Variants in SLC30A8 observed in about 807,000 individuals in gnomAD.
SLC30A8 encodes proton-coupled zinc antiporter SLC30A8.
Under a neutral mutation model 36.9 loss-of-function variants are expected in SLC30A8, and 27 were observed. That is an observed-to-expected ratio of 0.73 (90% confidence interval 0.54 to 1.01). SLC30A8 has a LOEUF of 1.01. Ranked by LOEUF, SLC30A8 falls within the 50% of genes least tolerant of loss-of-function variation. The probability of loss-of-function intolerance (pLI) is 0.00; values close to 1 mark genes in which losing one functional copy is unlikely to be tolerated. For missense variants in SLC30A8, 439 were observed against 452.0 expected, an observed-to-expected ratio of 0.97 and a Z score of 0.26; for synonymous variants, 164 against 172.4, an observed-to-expected ratio of 0.95 and a Z score of 0.38.
At chr8:117,039,945 C>T (rs371099229) in intron 2 of SLC30A8, among the ~76,000 whole-genome samples, 2 of 152,142 alleles carry the variant, frequency 1.3e-5, no homozygotes, top group African/African-American at 4.8e-5. Flanking sequence ...CCGAGCTTTC[C>T]CCTCAAGGAG....
At chr8:116,996,492 T>G (rs1043883364) in intron 1 of SLC30A8, among the ~76,000 whole-genome samples, 1 of 152,228 alleles carries the variant, frequency 6.6e-6, no homozygotes, top group Non-Finnish European at 1.5e-5. Flanking sequence ...TATTTTTTTG[T>G]GGTGAGGGTA....
At chr8:116,997,662 C>T (rs1007049818) in intron 1 of SLC30A8, among the ~76,000 whole-genome samples, 4 of 151,958 alleles carry the variant, frequency 2.6e-5, no homozygotes, top group African/African-American at 9.7e-5. Context: ...GCAAAACACC[C>T]CAGACAGTGT....
rs541885243 is a variant in SLC30A8, at chr8:117,146,877, A to G, written c.72-77A>G. The G allele has an allele frequency of 5.0e-5, 80 of 1,590,906 alleles. 1 individual carries two copies. Among genetic ancestry groups the G allele is most frequent in the Non-Finnish European group, 5.7e-5 (66 of 1,167,062 alleles). On this transcript the variant is annotated intron_variant, in intron 1 of 7. Transcript: ENST00000456015. ...AGCAAATGTCCTAATAGCGGTTCCA[A>G]GTATGGGCAGGGTGGGTCAGTGAGT...
At chr8:117,119,234 A>T (rs1041459439) in intron 2 of SLC30A8, among the ~76,000 whole-genome samples, 2 of 151,930 alleles carry the variant, frequency 1.3e-5, no homozygotes, top group Admixed American at 6.6e-5. Flanking sequence ...ATGTTCCCAA[A>T]GCAACTCCCA....
chr8:117,026,439 G>C (rs994503197), intron 1 of SLC30A8, among the ~76,000 whole-genome samples: 6 of 152,116 alleles, frequency 3.9e-5, no homozygotes, highest in Non-Finnish European at 7.3e-5. Flanking sequence ...AGTATGCCTG[G>C]AAGAAATTCT....
intron 1 of SLC30A8, among the ~76,000 whole-genome samples, chr8:116,965,332 A>T (rs760897644): frequency 3.0e-4 from 45 of 152,250 alleles, no homozygotes; most frequent in Non-Finnish European, 1.6e-4. Flanking sequence ...AGGATAGTTG[A>T]TTCTAAAGCC....
intron 3 of SLC30A8, among the ~76,000 whole-genome samples, chr8:117,153,894 G>A (rs1172264017): frequency 6.6e-6 from 1 of 152,144 alleles, no homozygotes; most frequent in Non-Finnish European, 1.5e-5. Context: ...ATAGACAAAT[G>A]AATCCACTCT....
At chr8:117,098,192 C>T (rs1301117013) in intron 2 of SLC30A8, among the ~76,000 whole-genome samples, 2 of 150,304 alleles carry the variant, frequency 1.3e-5, no homozygotes, top group Non-Finnish European at 2.9e-5. Flanking sequence ...CAAGACCTCC[C>T]TGAGAAAGCA....
At chr8:117,038,043 A>G (rs984416238) in intron 1 of SLC30A8, among the ~76,000 whole-genome samples, 1 of 152,170 alleles carries the variant, frequency 6.6e-6, no homozygotes, top group African/African-American at 2.4e-5. Context: ...AGGGTAATGA[A>G]AAAAATGGAA....
In SLC30A8 at chr8:117,147,067, AG is replaced by A; in HGVS notation, c.190del (p.Ala64ArgfsTer22). The A allele has an allele frequency of 6.2e-7, 1 of 1,614,100 alleles. No individual in the cohort carries two copies. Among genetic ancestry groups the A allele is most frequent in the Non-Finnish European group, 8.5e-7 (1 of 1,179,982 alleles). ...HCHSGSKPTE[K>X]GANEYAYAKW... ...CACAGTGGCTCCAAGCCCACAGAAA[AG>A]GGGGCGAATGAGTACGCCTATGCCA... is the stretch of plus-strand genomic sequence containing the variant. On this transcript the variant is annotated frameshift_variant, in exon 2 of 8. Coordinates refer to ENST00000456015, the MANE Select transcript of SLC30A8 (RefSeq NM_173851.3). LOFTEE classifies it high-confidence loss of function.
intron 2 of SLC30A8, among the ~76,000 whole-genome samples, chr8:117,083,656 C>A (rs1270455103): frequency 6.6e-6 from 1 of 152,124 alleles, no homozygotes; most frequent in Admixed American, 6.6e-5. Context: ...GGTAGCCTGA[C>A]CCAAGACACT....
At chr8:117,157,595 G>C in intron 3 of SLC30A8, 96 bp from the exon 4 acceptor site, 1 of 1,385,702 alleles carries the variant, frequency 7.2e-7, no homozygotes, top group Non-Finnish European at 9.9e-7. Flanking sequence ...AAGCCTTTTT[G>C]GGGGAAGTGG....
At chr8:117,132,101 T>C (rs1821161325), upstream of SLC30A8, among the ~76,000 whole-genome samples, 1 of 152,062 alleles carries the variant, frequency 6.6e-6, no homozygotes, top group Non-Finnish European at 1.5e-5. Flanking sequence ...TTTAAAAAGA[T>C]GGTTGCATGC....
intron 2 of SLC30A8, among the ~76,000 whole-genome samples, chr8:117,104,396 A>G (rs962467814): frequency 1.3e-5 from 2 of 152,138 alleles, no homozygotes; most frequent in Non-Finnish European, 2.9e-5. Flanking sequence ...AGTTTATTCT[A>G]CTTTCTAACA....
At chr8:116,994,420 C>G (rs1022303810) in intron 1 of SLC30A8, among the ~76,000 whole-genome samples, 1 of 152,010 alleles carries the variant, frequency 6.6e-6, no homozygotes, top group Non-Finnish European at 1.5e-5. Context: ...AATGGAAAAA[C>G]AAATTGTGGC....
intron 1 of SLC30A8, among the ~76,000 whole-genome samples, chr8:117,006,014 T>G (rs979148320): frequency 6.6e-6 from 1 of 152,234 alleles, no homozygotes; most frequent in Non-Finnish European, 1.5e-5. Context: ...AGTAGGTGGT[T>G]GGACCAGCAG....
chr8:117,066,561 C>G (rs889500202), intron 2 of SLC30A8, among the ~76,000 whole-genome samples: 1 of 152,120 alleles, frequency 6.6e-6, no homozygotes, highest in Non-Finnish European at 1.5e-5. Context: ...GTGGAGTTTA[C>G]TCCTACTGGC....
chr8:117,016,767 T>A (rs1742721336), intron 1 of SLC30A8, among the ~76,000 whole-genome samples: 1 of 152,206 alleles, frequency 6.6e-6, no homozygotes, highest in Admixed American at 6.5e-5. Flanking sequence ...TTTCTTCCTG[T>A]CATGAGGGTA....
intron 2 of SLC30A8, among the ~76,000 whole-genome samples, chr8:117,059,717 A>C (rs1817974643): frequency 6.6e-6 from 1 of 152,196 alleles, no homozygotes; most frequent in South Asian, 2.1e-4. Context: ...TTCATTTGTA[A>C]AGTTACTTGA....
Sources: allele counts gnomAD v4.1 joint callset (sites outside exome capture counted in the v4.1 genomes callset), GRCh38; gene constraint gnomAD v4.1.1; transcripts MANE v1.5; gene names NCBI Gene and HGNC (gene_info 2026-07-23, HGNC 2026-07-21).